The following CA8 variants were observed in gnomAD, a reference collection of about 807,000 sequenced individuals.
The protein encoded by CA8 is carbonic anhydrase 8 (inactive), also known as carbonic anhydrase-related protein.
A neutral mutation model predicts 41.4 loss-of-function variants in CA8; 22 were observed. That is an observed-to-expected ratio of 0.53 (90% CI 0.38 to 0.76). CA8 has a LOEUF of 0.76. CA8 is among the 30% of genes least tolerant of loss of function. The pLI, the probability that CA8 is intolerant of heterozygous loss-of-function variation, is 0.00. For synonymous variants in CA8, 121 were observed against 130.6 expected (o/e 0.93, Z 0.50); for missense variants, 270 against 352.8 (o/e 0.77, Z 1.88).
chr8:60,246,922 C>A (rs1351939927), intron 3 of CA8, among the ~76,000 whole-genome samples: 1 of 132,860 alleles, frequency 7.5e-6, no homozygotes, highest in Non-Finnish European at 1.6e-5. Flanking sequence ...CTTGCTCTGT[C>A]CCCCAGGCTG....
intron 8 of CA8, among the ~76,000 whole-genome samples, chr8:60,190,992 AAAC>A (rs1243218331): frequency 4.7e-5 from 7 of 149,662 alleles, no homozygotes; most frequent in African/African-American, 9.9e-5. Context: ...ATACATATAT[AAAC>A]ATAGATACAT....
At position 60,196,923 on chromosome 8, in the gene CA8, T is replaced by C. The variant is rs568498285; in HGVS notation, c.*36-6938A>G. Among the ~76,000 whole-genome samples, 3 of 152,196 alleles carry C rather than the reference T, an allele frequency of 2.0e-5. No individual in the cohort carries two copies. In the South Asian group the frequency reaches 6.2e-4, roughly 32 times the overall value. On this transcript the variant is annotated intron_variant, in intron 8 of 8. Transcript: ENST00000317995. ...GAATACACAGATAAATGGAACAGAA[T>C]AGGGAAGTCAAGAATAGAACCAAGT... is the stretch of plus-strand genomic sequence containing the variant.
At chr8:60,211,573 A>G (rs1027197977) in intron 7 of CA8, among the ~76,000 whole-genome samples, 3 of 152,326 alleles carry the variant, frequency 2.0e-5, no homozygotes, top group African/African-American at 7.2e-5. Flanking sequence ...TGAACTGGAG[A>G]TAAACCTTTC....
At chr8:60,261,389 A>G (rs1363705768) in intron 3 of CA8, among the ~76,000 whole-genome samples, 1 of 152,184 alleles carries the variant, frequency 6.6e-6, no homozygotes, top group Non-Finnish European at 1.5e-5. Flanking sequence ...AGGGTCCAAC[A>G]TACAATATGG....
chr8:60,239,534 T>C (rs1036963967), intron 3 of CA8, among the ~76,000 whole-genome samples: 1 of 152,014 alleles, frequency 6.6e-6, no homozygotes, highest in Non-Finnish European at 1.5e-5. Context: ...TTTAAGAAAA[T>C]TTACAAATTT....
chr8:60,205,765 TAA>T (rs1806557013), intron 8 of CA8, among the ~76,000 whole-genome samples: 1 of 152,202 alleles, frequency 6.6e-6, no homozygotes, highest in African/African-American at 2.4e-5. Flanking sequence ...GTCATTTTTT[TAA>T]AAATCTGTCA....
chr8:60,262,716 C>T (rs1328670378), intron 3 of CA8, among the ~76,000 whole-genome samples: 1 of 152,170 alleles, frequency 6.6e-6, no homozygotes, highest in East Asian at 1.9e-4. Flanking sequence ...ATGATTATAT[C>T]GTTCTCTTGC....
At chr8:60,254,812 T>C (rs1431575655) in intron 3 of CA8, among the ~76,000 whole-genome samples, 1 of 152,158 alleles carries the variant, frequency 6.6e-6, no homozygotes, top group Non-Finnish European at 1.5e-5. Context: ...AAGCCCTGGA[T>C]GATTCAAAAT....
At chr8:60,260,695 A>T (rs1803702907) in intron 3 of CA8, among the ~76,000 whole-genome samples, 2 of 152,206 alleles carry the variant, frequency 1.3e-5, no homozygotes, top group Admixed American at 6.5e-5. Context: ...AGGAGTTTGG[A>T]CTAGATGATC....
chr8:60,221,017 A>G (rs13265385), intron 7 of CA8, among the ~76,000 whole-genome samples: 54,289 of 152,052 alleles, frequency 0.36, 10,110 homozygotes, highest in Admixed American at 0.44. Context: ...ACACATGTTG[A>G]ATTTTATGTG....
At chr8:60,217,445 T>C (rs958223007) in intron 7 of CA8, among the ~76,000 whole-genome samples, 2 of 152,188 alleles carry the variant, frequency 1.3e-5, no homozygotes, top group Admixed American at 6.5e-5. Context: ...ATGAGTCTCC[T>C]GACTTTTTCC....
At chr8:60,208,557 C>T (rs1806721360) in intron 8 of CA8, 193 bp downstream of exon 8, 1 of 595,560 alleles carries the variant, frequency 1.7e-6, no homozygotes, top group Non-Finnish European at 3.0e-6. Context: ...CATAGTTTTT[C>T]TTCAATACTG....
At chr8:60,199,006 C>A (rs1416551332) in intron 8 of CA8, among the ~76,000 whole-genome samples, 1 of 151,836 alleles carries the variant, frequency 6.6e-6, no homozygotes, top group Non-Finnish European at 1.5e-5. Context: ...TTCATACCTG[C>A]AAAAAACTGC....
intron 3 of CA8, among the ~76,000 whole-genome samples, chr8:60,262,635 T>C (rs993080965): frequency 1.3e-5 from 2 of 152,232 alleles, no homozygotes; most frequent in African/African-American, 4.8e-5. Context: ...GGAGGGTCCC[T>C]TGAGACCAGC....
At chr8:60,262,334 G>GAAAA (rs1803760275) in intron 3 of CA8, among the ~76,000 whole-genome samples, 1 of 71,294 alleles carries the variant, frequency 1.4e-5, no homozygotes, top group African/African-American at 8.1e-5. Context: ...TAGCAAAATG[G>GAAAA]CAAAAAAAAA....
chr8:60,266,002 C>G lies in CA8; in HGVS notation c.340G>C (p.Glu114Gln). 2 of 1,613,746 alleles carry G rather than the reference C, an allele frequency of 1.2e-6. No individual in the cohort carries two copies. Among genetic ancestry groups the G allele is most frequent in the South Asian group, 2.2e-5 (2 of 91,072 alleles). ...LPQGHEFELY[E>Q]VRFHWGRENQ... The stretch of plus-strand genomic sequence containing the variant: ...TCTCTTCCCCAGTGAAATCTCACTT[C>G]GTACAGTTCAAATTCATGCCCTTGA... Residue 114 changes from glutamate (E) to glutamine (Q), a missense_variant, in exon 3 of 9, where the codon GAA (glutamate) becomes CAA (glutamine). Coordinates refer to ENST00000317995, the MANE Select transcript of CA8 (RefSeq NM_004056.6).
chr8:60,261,289 C>T (rs1210250355), intron 3 of CA8, among the ~76,000 whole-genome samples: 1 of 152,214 alleles, frequency 6.6e-6, no homozygotes, highest in African/African-American at 2.4e-5. Context: ...AACTTTCCAT[C>T]AACAGCTGGT....
intron 2 of CA8, among the ~76,000 whole-genome samples, chr8:60,271,444 ATTT>A (rs1390303154): frequency 3.3e-5 from 5 of 152,216 alleles, no homozygotes; most frequent in African/African-American, 4.8e-5. Context: ...AGTGAAAATA[ATTT>A]TTAAGATATT....
intron 2 of CA8, among the ~76,000 whole-genome samples, chr8:60,270,437 A>G (rs1211741296): frequency 6.6e-6 from 1 of 152,176 alleles, no homozygotes; most frequent in East Asian, 1.9e-4. Context: ...TCTTTTTGAG[A>G]TGGAGTCTTG....
Sources: allele counts gnomAD v4.1 joint callset (sites outside exome capture counted in the v4.1 genomes callset), GRCh38; gene constraint gnomAD v4.1.1; transcripts MANE v1.5; gene names NCBI Gene and HGNC (gene_info 2026-07-23, HGNC 2026-07-21).